Variants in CHUK observed in about 807,000 individuals in gnomAD.
The protein encoded by CHUK is inhibitor of nuclear factor kappa-B kinase subunit alpha.
Under a neutral mutation model 104.8 loss-of-function variants are expected in CHUK, and 35 were observed. The ratio of observed to expected loss-of-function variants is 0.33; its 90% CI spans 0.26 to 0.44. CHUK has a LOEUF of 0.44. Ranked by LOEUF, CHUK falls within the 20% of genes least tolerant of loss-of-function variation. The pLI is 1.00. For missense variants in CHUK, 663 were observed against 902.7 expected (o/e 0.73, Z 3.40); for synonymous variants, 276 against 291.9 (o/e 0.95, Z 0.56).
chr10:100,209,856 A>G (rs1412708474), intron 9 of CHUK, 67 bp from the exon 10 acceptor site: 3 of 741,062 alleles, frequency 4.0e-6, no homozygotes, highest in Non-Finnish European at 7.1e-6. Context: ...GCTGCCAGAT[A>G]CTAAAAGGTG....
rs760663065 is a variant in CHUK, at chr10:100,229,500, C to T, written c.33G>A (p.Ala11=). 5.7e-6 allele frequency: 9 copies of T among 1,571,168 alleles called. No homozygotes were observed. The Admixed American group carries it at 7.3e-5, about 13-fold the overall frequency. The change falls in exon 1 of 21, where the codon GCG becomes GCA. Residue 11 remains alanine, a synonymous_variant. Coordinates refer to ENST00000370397, the MANE Select transcript of CHUK (RefSeq NM_001278.5). ...GCTCCCGCATCTCCCAGGGCCCGCCCGCGCCCGGCCGCAGCCCCGGGGGCC... is the reference window on the plus strand; with the variant it reads ...GCTCCCGCATCTCCCAGGGCCCGCCTGCGCCCGGCCGCAGCCCCGGGGGCC... The part of the protein sequence containing the change: MERPPGLRPG[A]GGPWEMRERL...
chr10:100,202,713 AAT>A (rs1554896599), intron 13 of CHUK, among the ~76,000 whole-genome samples: 1 of 152,106 alleles, frequency 6.6e-6, no homozygotes, highest in African/African-American at 2.4e-5. Context: ...TTTTCTTAAA[AAT>A]ATATATATTT....
chr10:100,191,113 T>C, intron 19 of CHUK, 145 bp from the exon 20 acceptor site: 1 of 690,666 alleles, frequency 1.4e-6, no homozygotes, highest in Non-Finnish European at 2.6e-6. Context: ...AGTCTTTAGT[T>C]TCCTCATCCC....
At chr10:100,193,052 T>C in intron 19 of CHUK, 1 of 509,924 alleles carries the variant, frequency 2.0e-6, no homozygotes, top group African/African-American at 1.9e-5. Context: ...GAACATTTAT[T>C]TCCCAAGCAC....
In CHUK at chr10:100,219,012, T is replaced by A; in HGVS notation, c.685A>T (p.Thr229Ser). The change falls in exon 7 of 21, where the codon ACC becomes TCC. Residue 229 changes from threonine to serine, a missense_variant. Physicochemically the swap from Thr to Ser is moderately conservative, Grantham distance 58. This residue lies in a region of CHUK where 200 missense variants were observed against 333.0 expected (regional missense o/e 0.60). Transcript: ENST00000370397. ...RPFLHHLQPF[T>S]WHEKIKKKDP... The stretch of plus-strand genomic sequence containing the variant: ...AAGTTCTCATCCATTTCTTACCAGG[T>A]AAATGGCTGCAGATGATGCAAAAAA... 1 of 1,614,024 alleles carries A rather than the reference T, an allele frequency of 6.2e-7. No homozygotes were observed. The highest frequency in any genetic ancestry group is 1.1e-5 in the South Asian group (1 of 91,072).
Position 100,228,993 on chromosome 10 carries a change from G to GCGCACACACACACACACA in CHUK, c.105+434_105+435insTGTGTGTGTGTGTGTGCG, listed in dbSNP as rs764914118. 1.4e-4 allele frequency among the ~76,000 whole-genome samples: 19 copies of GCGCACACACACACACACA among 133,554 alleles called. No individual in the cohort carries two copies. The East Asian group carries it at 1.6e-3, about 11-fold the overall frequency. The allele number at this position is 133,554 out of a possible 152,430, so 87.6% of individuals were successfully genotyped here. ...GGCCTCCAAGCGCGCGCGCGCGCGC[G>GCGCACACACACACACACA]CACACACACACACACACACACACAC... is the stretch of plus-strand genomic sequence containing the variant. On this transcript the variant is annotated intron_variant, in intron 1 of 20. Transcript: ENST00000370397.
intron 9 of CHUK, among the ~76,000 whole-genome samples, chr10:100,217,606 G>A (rs1050490122): frequency 3.9e-5 from 6 of 152,198 alleles, no homozygotes; most frequent in Admixed American, 6.5e-5. Flanking sequence ...AGGGCTGGAC[G>A]CAATGGCTCA....
intron 4 of CHUK, among the ~76,000 whole-genome samples, chr10:100,221,575 T>C (rs1324820500): frequency 1.3e-5 from 2 of 152,182 alleles, no homozygotes; most frequent in Non-Finnish European, 2.9e-5. Flanking sequence ...TTTTGTCAGC[T>C]ATTGGAACAT....
chr10:100,216,840 T>C (rs59003031), intron 9 of CHUK, among the ~76,000 whole-genome samples: 237 of 152,256 alleles, frequency 1.6e-3, no homozygotes, highest in African/African-American at 5.2e-3. Flanking sequence ...ACCTGATACA[T>C]GCCCTGCTCT....
Position 100,209,785 on chromosome 10 carries a change from A to T in CHUK, c.938T>A (p.Val313Glu). The T allele has an allele frequency of 7.5e-7, 1 of 1,326,930 alleles. No homozygotes were observed. Among genetic ancestry groups the T allele is most frequent in the Non-Finnish European group, 1.1e-6 (1 of 919,470 alleles). The allele number at this position is 1,326,930 out of a possible 1,614,324, so 82.2% of individuals were successfully genotyped here. A position where few individuals can be genotyped will look rare whatever the true frequency, so the allele number is the denominator to read the frequency against. ...LMDHILNLKI[V>E]HILNMTSAKI... ...TGCAGAAGTCATATTTAGGATGTGTACTATCTGTATAAATAAGAAAAAAAG... is the reference window on the plus strand; with the variant it reads ...TGCAGAAGTCATATTTAGGATGTGTTCTATCTGTATAAATAAGAAAAAAAG... Residue 313 changes from valine to glutamate, a missense_variant, in exon 10 of 21, where the codon GTA (valine) becomes GAA (glutamate). Val to Glu is a moderately radical substitution (Grantham distance 121). Around this residue, in one of 5 missense-constraint regions of CHUK, gnomAD observed 93 missense variants for 95.9 expected, o/e 0.97. Transcript: ENST00000370397.
intron 3 of CHUK, among the ~76,000 whole-genome samples, chr10:100,222,564 C>T (rs975000162): frequency 1.6e-4 from 25 of 152,142 alleles, no homozygotes; most frequent in Non-Finnish European, 4.4e-5. Context: ...ACAGCAACAA[C>T]AAAAATGCAT....
At chr10:100,216,158 G>T (rs1228819672) in intron 9 of CHUK, among the ~76,000 whole-genome samples, 5 of 152,138 alleles carry the variant, frequency 3.3e-5, no homozygotes, top group Non-Finnish European at 7.4e-5. Context: ...ATAACAAGAG[G>T]CTCACAGATG....
At chr10:100,191,074 C>T (rs1158341883) in intron 19 of CHUK, 106 bp from the exon 20 acceptor site, 6 of 762,012 alleles carry the variant, frequency 7.9e-6, no homozygotes, top group Non-Finnish European at 1.4e-5. Context: ...CTTCCTGTAA[C>T]CCAGTACCCC....
chr10:100,210,823 T>C (rs1476063906), intron 9 of CHUK, among the ~76,000 whole-genome samples: 1 of 152,206 alleles, frequency 6.6e-6, no homozygotes, highest in African/African-American at 2.4e-5. Context: ...AAAAGTAGCC[T>C]GATACATGCC....
At chr10:100,222,753 G>C (rs1161333450) in intron 3 of CHUK, 113 bp downstream of exon 3, 1 of 691,626 alleles carries the variant, frequency 1.4e-6, no homozygotes, top group African/African-American at 1.8e-5. Flanking sequence ...TTACAAAACA[G>C]GAAGCAGACC....
intron 1 of CHUK, 79 bp downstream of exon 1, chr10:100,229,347 ACT>A (rs1846181890): frequency 4.8e-6 from 5 of 1,033,392 alleles, no homozygotes; most frequent in East Asian, 2.5e-5. Flanking sequence ...TCTATCCCAC[ACT>A]GTCAGCCCTG....
At chr10:100,228,092 C>T (rs1846144788) in intron 1 of CHUK, among the ~76,000 whole-genome samples, 1 of 152,224 alleles carries the variant, frequency 6.6e-6, no homozygotes, top group African/African-American at 2.4e-5. Flanking sequence ...TGAGGGCTTT[C>T]ATGGGTCAGG....
intron 19 of CHUK, among the ~76,000 whole-genome samples, chr10:100,192,171 A>G (rs2134205076): frequency 6.6e-6 from 1 of 152,336 alleles, no homozygotes; most frequent in East Asian, 1.9e-4. Flanking sequence ...TGTCTGTCAG[A>G]TATACTTTTG....
At chr10:100,218,570 C>T (rs1845914375) in intron 8 of CHUK, 148 bp downstream of exon 8, 5 of 684,818 alleles carry the variant, frequency 7.3e-6, no homozygotes, top group Admixed American at 7.0e-5. Context: ...AGTCAATAAC[C>T]TCATGTGGCC....
Sources: gnomAD v4.1 joint callset for allele counts (sites outside exome capture counted in the v4.1 genomes callset) on GRCh38, gnomAD v4.1.1 for gene constraint, gnomAD v4.1.1 regional missense constraint, MANE v1.5 for transcripts, NCBI Gene and HGNC (gene_info 2026-07-23, HGNC 2026-07-21) for gene names.